The following TDRD12 variants were observed in gnomAD, a reference collection of about 807,000 sequenced individuals.
TDRD12 encodes putative ATP-dependent RNA helicase TDRD12.
Under a neutral mutation model 133.5 loss-of-function variants are expected in TDRD12, and 158 were observed. The ratio of observed to expected loss-of-function variants is 1.18; its 90% CI spans 1.04 to 1.35. The LOEUF (loss-of-function observed/expected upper bound fraction) is 1.35, where lower values mean the gene tolerates loss of function less well. Among genes scored for constraint, TDRD12 ranks in the 40% most tolerant of loss-of-function variants. The probability of loss-of-function intolerance (pLI) is 0.00; values close to 1 mark genes in which losing one functional copy is unlikely to be tolerated. For missense variants in TDRD12, 1,443 were observed against 1,321.3 expected (o/e 1.09, Z -1.43); for synonymous variants, 460 against 477.9 (o/e 0.96, Z 0.49).
chr19:32,783,816 T>A (rs754021745), intron 11 of TDRD12, among the ~76,000 whole-genome samples: 2 of 152,218 alleles, frequency 1.3e-5, no homozygotes, highest in African/African-American at 2.4e-5. Context: ...TGATTTTATA[T>A]CCTGAGACTT....
At chr19:32,739,455 TCTGCATCTCCTGGGGTTCTTC>T (rs1414797984) in intron 3 of TDRD12, among the ~76,000 whole-genome samples, 3 of 148,888 alleles carry the variant, frequency 2.0e-5, no homozygotes, top group Admixed American at 6.7e-5. Flanking sequence ...CTGGCTGCTC[TCTGCATCTCCTGGGGTTCTTC>T]CTGCATCTCC....
intron 7 of TDRD12, among the ~76,000 whole-genome samples, chr19:32,756,474 T>G (rs1969997330): frequency 1.3e-5 from 2 of 151,820 alleles, no homozygotes; most frequent in African/African-American, 4.8e-5. Flanking sequence ...TGCAAGCTCC[T>G]CCCCCCAGGT....
At chr19:32,822,513 C>G (rs1355784645), downstream of TDRD12, among the ~76,000 whole-genome samples, 1 of 152,120 alleles carries the variant, frequency 6.6e-6, no homozygotes, top group Admixed American at 6.6e-5. Flanking sequence ...TTTGGGAGGC[C>G]AGGACGGGCA....
At chr19:32,790,876 A>C in intron 12 of TDRD12, 88 bp from the exon 13 acceptor site, 2 of 1,479,092 alleles carry the variant, frequency 1.4e-6, no homozygotes, top group African/African-American at 2.9e-5. Context: ...ATTGAAATCT[A>C]TATTTTCTTC....
At position 32,745,890 on chromosome 19, in the gene TDRD12, C is replaced by CTG. The variant is rs1452306648; in HGVS notation, c.441-2579_441-2578dup. ...AGAGAGTCTGGCTGATGTGGTTATT[C>CTG]TGTGTGTGACAGAGAGTGGGAGAGA... On this transcript the variant is annotated intron_variant, in intron 4 of 27. Coordinates refer to ENST00000444215, the Ensembl canonical transcript of TDRD12. Among the ~76,000 whole-genome samples, 6 of 120,710 alleles carry CTG rather than the reference C, an allele frequency of 5.0e-5. No individual in the cohort carries two copies. In the Admixed American group the frequency reaches 5.3e-4, roughly 11 times the overall value. The allele number at this position is 120,710 out of a possible 152,430, so 79.2% of individuals were successfully genotyped here.
intron 8 of TDRD12, among the ~76,000 whole-genome samples, chr19:32,770,768 T>G (rs1457452224): frequency 6.6e-6 from 1 of 152,200 alleles, no homozygotes; most frequent in Non-Finnish European, 1.5e-5. Flanking sequence ...TCACATGGAA[T>G]TCAATAACGC....
intron 11 of TDRD12, among the ~76,000 whole-genome samples, chr19:32,778,397 T>C (rs1330018621): frequency 6.6e-6 from 1 of 152,208 alleles, no homozygotes; most frequent in Non-Finnish European, 1.5e-5. Flanking sequence ...ACAGTCGTTA[T>C]TTTCCTTGGA....
intron 26 of TDRD12, among the ~76,000 whole-genome samples, chr19:32,816,459 G>C (rs927302978): frequency 6.6e-6 from 1 of 152,136 alleles, no homozygotes; most frequent in Non-Finnish European, 1.5e-5. Context: ...GCTCAAAGGA[G>C]GCATAAATTC....
intron 14 of TDRD12, chr19:32,796,303 C>G: frequency 3.4e-6 from 2 of 591,800 alleles, no homozygotes; most frequent in Non-Finnish European, 4.3e-6. Context: ...AAAGTTGCAT[C>G]TGTTGGCCGG....
In TDRD12 at chr19:32,806,337, G is replaced by GTTTT. The variant is rs58555952; in HGVS notation, c.2553-1196_2553-1193dup. ...CCTATTTACGCTTAAAGAAGACCGA[G>GTTTT]TTTTTTTTTTTTTTTTTTTAAGACA... On this transcript the variant is annotated intron_variant, in intron 21 of 27. Transcript: ENST00000444215. Among the ~76,000 whole-genome samples the GTTTT allele has an allele frequency of 4.9e-3, 663 of 135,252 alleles. 12 individuals are homozygous for GTTTT. Among genetic ancestry groups the GTTTT allele is most frequent in the African/African-American group, 0.011 (394 of 36,162 alleles). 88.7% of individuals were successfully genotyped at this position (135,252 alleles called of 152,430 possible). A position where few individuals can be genotyped will look rare whatever the true frequency, so the allele number is the denominator to read the frequency against.
At chr19:32,753,028 G>A (rs1023820276) in intron 6 of TDRD12, among the ~76,000 whole-genome samples, 5 of 151,920 alleles carry the variant, frequency 3.3e-5, no homozygotes, top group South Asian at 4.2e-4. Flanking sequence ...TCCTGACCTC[G>A]TGATCCTCCC....
chr19:32,750,022 T>G (rs1969778487), intron 6 of TDRD12, among the ~76,000 whole-genome samples, 153 bp downstream of exon 6: 1 of 152,182 alleles, frequency 6.6e-6, no homozygotes, highest in Non-Finnish European at 1.5e-5. Context: ...GTTAGCCAGG[T>G]CTGTGTTTTC....
chr19:32,814,211 G>A (rs1344978992), intron 25 of TDRD12, among the ~76,000 whole-genome samples: 6 of 152,118 alleles, frequency 3.9e-5, no homozygotes, highest in Admixed American at 6.5e-5. Flanking sequence ...CAGAGCAGCC[G>A]TGGGAGGGGG....
In TDRD12 at chr19:32,748,497, T is replaced by C. The variant is rs376879858; in HGVS notation, c.462T>C (p.Asn154=). 1.5e-4 allele frequency: 230 copies of C among 1,551,864 alleles called. No homozygotes were observed. The African/African-American group carries it at 3.0e-3, about 20-fold the overall frequency. The change falls in exon 5 of 28, where the codon AAT becomes AAC. Residue 154 remains asparagine (N), a synonymous_variant. Transcript: ENST00000444215. Reference sequence around the variant, plus strand: ...CCAGACCTGCCAAGAAGTGGGACAATGCAGCTATTCAGTACTTTCAGAACC... The same window carrying C: ...CCAGACCTGCCAAGAAGTGGGACAACGCAGCTATTCAGTACTTTCAGAACC...
intron 8 of TDRD12, among the ~76,000 whole-genome samples, chr19:32,759,788 A>G (rs1970100636): frequency 1.3e-5 from 2 of 152,366 alleles, no homozygotes; most frequent in South Asian, 4.1e-4. Context: ...TATATCCGGT[A>G]TAATGTGTTT....
At chr19:32,767,380 C>T (rs1196542386) in intron 8 of TDRD12, among the ~76,000 whole-genome samples, 3 of 152,050 alleles carry the variant, frequency 2.0e-5, no homozygotes, top group Admixed American at 6.6e-5. Context: ...CCACCCGACT[C>T]GGCCTCCCAA....
chr19:32,775,847 G>C (rs958710911), intron 10 of TDRD12, among the ~76,000 whole-genome samples: 1 of 152,102 alleles, frequency 6.6e-6, no homozygotes, highest in Non-Finnish European at 1.5e-5. Context: ...CGTGTGTGCT[G>C]AGTAACTTTG....
exon 9 of TDRD12, chr19:32,772,765 A>G: frequency 6.6e-7 from 1 of 1,507,144 alleles, no homozygotes; most frequent in African/African-American, 1.4e-5. Flanking sequence ...AAAGCTGTAA[A>G]ATGTAATATG....
At chr19:32,828,387 C>G (rs1192856023) in exon 10 of TDRD12, 1 of 150,658 alleles carries the variant, frequency 6.6e-6, no homozygotes, top group Non-Finnish European at 1.5e-5. Flanking sequence ...GGCTGCAGCA[C>G]TGGGGGGGGT....
Sources: gnomAD v4.1 joint callset for allele counts (sites outside exome capture counted in the v4.1 genomes callset) on GRCh38, gnomAD v4.1.1 for gene constraint, MANE v1.5 for transcripts, NCBI Gene and HGNC (gene_info 2026-07-23, HGNC 2026-07-21) for gene names.